The following MMP17 variants were observed in gnomAD, a reference collection of about 807,000 sequenced individuals.
MMP17 encodes matrix metalloproteinase-17.
MMP17 carries 54 observed loss-of-function variants against 49.1 expected under a neutral mutation model. That is an observed-to-expected ratio of 1.10 (90% CI 0.88 to 1.38). The LOEUF (loss-of-function observed/expected upper bound fraction) is 1.38. MMP17 is among the 40% of genes most tolerant of loss of function. The probability of loss-of-function intolerance (pLI) is 0.00; values close to 1 mark genes in which losing one functional copy is unlikely to be tolerated. For synonymous variants in MMP17, 397 were observed against 383.1 expected (o/e 1.04, Z -0.42); for missense variants, 837 against 853.7 (o/e 0.98, Z 0.24).
chr12:131,840,502 T>C, intron 3 of MMP17, 71 bp from the exon 4 acceptor site: 4 of 1,501,562 alleles, frequency 2.7e-6, no homozygotes, highest in Non-Finnish European at 3.6e-6. Context: ...AGGAGGGGCG[T>C]TCAGGGAACC....
In MMP17 at chr12:131,828,673, G is replaced by T. The variant is rs1886637836; in HGVS notation, c.159+20G>T. On this transcript the variant is annotated intron_variant, in intron 1 of 9. Transcript: ENST00000360564. ...GGAGTGGTGAGCGCGCGGGCGGGAC[G>T]GGCGCGGAGCTCCTGGGCCGGAGCC... is the stretch of plus-strand genomic sequence containing the variant. The T allele has an allele frequency of 2.9e-6, 1 of 340,896 alleles. No homozygotes were observed. The highest frequency in any genetic ancestry group is 4.5e-6 in the Non-Finnish European group (1 of 224,336). The allele number at this position is 340,896 out of a possible 1,614,324, so 21.1% of individuals were successfully genotyped here.
intron 1 of MMP17, among the ~76,000 whole-genome samples, chr12:131,830,593 G>C (rs937820962): frequency 1.3e-5 from 2 of 152,250 alleles, no homozygotes; most frequent in African/African-American, 4.8e-5. Flanking sequence ...GAGGAGGCCG[G>C]GATCTGGGCG....
At chr12:131,843,291 T>A (rs1177522471) in intron 5 of MMP17, among the ~76,000 whole-genome samples, 2 of 109,852 alleles carry the variant, frequency 1.8e-5, no homozygotes, top group African/African-American at 3.2e-5. Flanking sequence ...TTTTTTTTTT[T>A]AGAGATGGGG....
At chr12:131,834,248 G>T (rs7959336) in intron 1 of MMP17, among the ~76,000 whole-genome samples, 4,313 of 152,260 alleles carry the variant, frequency 0.028, 205 homozygotes, top group African/African-American at 0.097. Flanking sequence ...GTGGGTTGGG[G>T]CTCCCTGGAG....
chr12:131,845,030 C>A, intron 6 of MMP17, 88 bp from the exon 7 acceptor site: 1 of 1,354,512 alleles, frequency 7.4e-7, no homozygotes, highest in Non-Finnish European at 1.1e-6. Flanking sequence ...CTGTCCCATG[C>A]CGCTCAGGTC....
rs374707889 is a variant in MMP17, at chr12:131,829,278, G to A, written c.159+625G>A. Among the ~76,000 whole-genome samples, 471 of 148,942 alleles carry A rather than the reference G, an allele frequency of 3.2e-3. 8 individuals are homozygous for A. Among genetic ancestry groups the A allele is most frequent in the African/African-American group, 0.011 (453 of 41,410 alleles). On this transcript the variant is annotated intron_variant, in intron 1 of 9. Transcript: ENST00000360564. ...CCTTGCCCTGGTACAGTGCTGAGCC[G>A]GGGGCGCGGGGAGAGCCTTCCTCAC...
In MMP17 at chr12:131,850,960, A is replaced by G. The variant is rs551280686; in HGVS notation, c.1498A>G (p.Lys500Glu). ...SYFFRGQEYW[K>E]VLDGELEVAP... ...CTTCTTCCGTGGCCAGGAGTACTGG[A>G]AAGTGCTGGATGGCGAGCTGGAGGT... is the stretch of plus-strand genomic sequence containing the variant. The change falls in exon 10 of 10, where the codon AAA becomes GAA. Residue 500 changes from lysine (K) to glutamate (E), a missense_variant. Transcript: ENST00000360564. The G allele has an allele frequency of 6.5e-7, 1 of 1,526,868 alleles. No individual in the cohort carries two copies. The highest frequency in any genetic ancestry group is 1.3e-5 in the South Asian group (1 of 77,948). 94.6% of individuals were successfully genotyped at this position (1,526,868 alleles called of 1,614,324 possible). A position where few individuals can be genotyped will look rare whatever the true frequency, so the allele number is the denominator to read the frequency against.
In MMP17 at chr12:131,850,019, T is replaced by C. The variant is rs947772305; in HGVS notation, c.1422T>C (p.Gly474=). 5.6e-6 allele frequency: 9 copies of C among 1,613,094 alleles called. No individual in the cohort carries two copies. Among genetic ancestry groups the C allele is most frequent in the African/African-American group, 1.3e-5 (1 of 74,896 alleles). Residue 474 remains glycine (G), a synonymous_variant, in exon 9 of 10, where the codon GGT becomes GGC. Coordinates refer to ENST00000360564, the MANE Select transcript of MMP17 (RefSeq NM_016155.7). ...CCGCCCAGAGCCCCCTGTGGAGGGG[T>C]GTCCCCAGCACGCTGGACGACGCCA... The part of the protein sequence containing the change: ...GYPAQSPLWR[G]VPSTLDDAMR...
At chr12:131,837,971 A>G (rs1189169570) in intron 1 of MMP17, 3 of 449,762 alleles carry the variant, frequency 6.7e-6, no homozygotes, top group Non-Finnish European at 1.2e-5. Flanking sequence ...CGGCCTCCCA[A>G]ACTGCTGGGA....
At chr12:131,841,295 G>T (rs1887394105) in intron 4 of MMP17, among the ~76,000 whole-genome samples, 1 of 152,222 alleles carries the variant, frequency 6.6e-6, no homozygotes, top group African/African-American at 2.4e-5. Context: ...AGTGCCCACA[G>T]CATTGGGCCT....
intron 1 of MMP17, among the ~76,000 whole-genome samples, chr12:131,835,595 G>A (rs1308838828): frequency 6.6e-6 from 1 of 152,204 alleles, no homozygotes; most frequent in African/African-American, 2.4e-5. Context: ...CTTATAGACG[G>A]GAAGGCTGGG....
chr12:131,842,030 G>A (rs1887443791), intron 5 of MMP17, among the ~76,000 whole-genome samples: 3 of 152,292 alleles, frequency 2.0e-5, no homozygotes, highest in South Asian at 4.1e-4. Flanking sequence ...GTGGAGTTAC[G>A]ACAGGCAGGG....
chr12:131,845,241 G>A (rs1434696338), intron 7 of MMP17, 41 bp downstream of exon 7: 1 of 1,613,746 alleles, frequency 6.2e-7, no homozygotes, highest in Non-Finnish European at 8.5e-7. Flanking sequence ...GAGGGCCATG[G>A]CCCACTCTGG....
chr12:131,844,355 G>A (rs1566090824), intron 6 of MMP17: 1 of 493,626 alleles, frequency 2.0e-6, no homozygotes, highest in Non-Finnish European at 3.6e-6. Context: ...AGCCCAGCTT[G>A]AGGAATGTTT....
At position 131,840,735 on chromosome 12, in the gene MMP17, C is replaced by T. The variant is rs142005718; in HGVS notation, c.585C>T (p.Asn195=). Residue 195 remains asparagine (N), a synonymous_variant, in exon 4 of 10, where the codon AAC becomes AAT. Transcript: ENST00000360564. ...TCGACTTCTCCAAGGCCGACCATAA[C>T]GACGGCTACCCCTTCGACGGCCCCG... The part of the protein sequence containing the change: ...IQIDFSKADH[N]DGYPFDGPGG... The T allele has an allele frequency of 3.7e-5, 59 of 1,604,396 alleles. No individual in the cohort carries two copies. Among genetic ancestry groups the T allele is most frequent in the Non-Finnish European group, 4.3e-5 (51 of 1,179,912 alleles).
At chr12:131,834,173 A>C (rs899143572) in intron 1 of MMP17, among the ~76,000 whole-genome samples, 7 of 152,058 alleles carry the variant, frequency 4.6e-5, no homozygotes, top group African/African-American at 1.7e-4. Flanking sequence ...CCATGGGAGG[A>C]GCAGGAGAGC....
At chr12:131,834,528 G>A (rs1211287585) in intron 1 of MMP17, among the ~76,000 whole-genome samples, 1 of 152,114 alleles carries the variant, frequency 6.6e-6, no homozygotes, top group Non-Finnish European at 1.5e-5. Flanking sequence ...GCAGGGGGCA[G>A]GGAGGGGGAC....
chr12:131,846,798 C>T lies in MMP17; in HGVS notation c.1204+1349C>T, dbSNP rs907035559. 2.6e-5 allele frequency among the ~76,000 whole-genome samples: 4 copies of T among 152,202 alleles called. No homozygotes were observed. Among genetic ancestry groups the T allele is most frequent in the Non-Finnish European group, 5.9e-5 (4 of 68,038 alleles). On this transcript the variant is annotated intron_variant, in intron 8 of 9. Transcript: ENST00000360564. This position sits in a 1 kb window ranked among gnomAD's most constrained non-coding sequence, Gnocchi z 4.6. ...GAGGACGTCATTCAATCCAATGTGG[C>T]AGCCACTCCCACAGTCACGGGCGGG...
intron 1 of MMP17, among the ~76,000 whole-genome samples, chr12:131,835,305 G>A (rs1460761995): frequency 6.6e-6 from 1 of 152,270 alleles, no homozygotes; most frequent in African/African-American, 2.4e-5. Context: ...GGGCGGGGCT[G>A]CCTGTCCCGG....
Sources: gnomAD v4.1 joint callset for allele counts (sites outside exome capture counted in the v4.1 genomes callset) on GRCh38, gnomAD v4.1.1 for gene constraint, Gnocchi (gnomAD v3.1) non-coding constraint, MANE v1.5 for transcripts, NCBI Gene and HGNC (gene_info 2026-07-23, HGNC 2026-07-21) for gene names.